Variants in SCD5 observed in about 807,000 individuals in gnomAD.
SCD5 encodes stearoyl-CoA desaturase 5, also known as acyl-CoA-desaturase 4.
Under a neutral mutation model 30.4 loss-of-function variants are expected in SCD5, and 20 were observed. The ratio of observed to expected loss-of-function variants is 0.66; its 90% CI spans 0.46 to 0.96. SCD5 has a LOEUF of 0.96. Among genes scored for constraint, SCD5 ranks in the 40% least tolerant of loss-of-function variants. The pLI is 0.00. For missense variants in SCD5, 381 were observed against 443.3 expected (o/e 0.86, Z 1.26); for synonymous variants, 173 against 176.4 (o/e 0.98, Z 0.16).
intron 3 of SCD5, chr4:82,660,029 C>G (rs1410449651): frequency 1.3e-5 from 2 of 148,960 alleles, no homozygotes; most frequent in African/African-American, 4.9e-5. Context: ...ATCCTAGTCT[C>G]TAATAAAACA....
chr4:82,672,601 G>A (rs80103530), intron 3 of SCD5, among the ~76,000 whole-genome samples: 2,147 of 151,952 alleles, frequency 0.014, 45 homozygotes, highest in African/African-American at 0.045. Context: ...TGGTGAATTC[G>A]ACCATATATT....
chr4:82,698,460 C>T (rs1164079553), intron 2 of SCD5, among the ~76,000 whole-genome samples: 1 of 152,200 alleles, frequency 6.6e-6, no homozygotes, highest in Non-Finnish European at 1.5e-5. Context: ...GGCACAAACT[C>T]TTTGGGGTCT....
chr4:82,783,559 CT>C (rs1268681349), intron 1 of SCD5, among the ~76,000 whole-genome samples: 1 of 152,072 alleles, frequency 6.6e-6, no homozygotes. Context: ...AATCCCAGCA[CT>C]TTGGGAGGCC....
chr4:82,785,507 G>A (rs1005842689), intron 1 of SCD5, among the ~76,000 whole-genome samples: 14 of 152,084 alleles, frequency 9.2e-5, no homozygotes, highest in Admixed American at 4.6e-4. Context: ...GTTGAAAATC[G>A]TATGTAAGCC....
At chr4:82,653,891 C>T (rs982375189) in intron 3 of SCD5, among the ~76,000 whole-genome samples, 1 of 151,442 alleles carries the variant, frequency 6.6e-6, no homozygotes, top group African/African-American at 2.4e-5. Flanking sequence ...GCAGAAGAGT[C>T]CTCACACTTC....
At chr4:82,791,115 G>T (rs1333540105) in intron 1 of SCD5, among the ~76,000 whole-genome samples, 1 of 152,152 alleles carries the variant, frequency 6.6e-6, no homozygotes, top group Admixed American at 6.5e-5. Context: ...GCATGCACCT[G>T]TAGTCCCAGC....
rs531706491 is a variant in SCD5, at chr4:82,650,829, A to C, written c.570-14006T>G. Among the ~76,000 whole-genome samples the C allele has an allele frequency of 3.6e-4, 22 of 60,770 alleles. No individual in the cohort carries two copies. In the East Asian group the frequency reaches 0.11, roughly 307 times the overall value. The allele number at this position is 60,770 out of a possible 152,430, so 39.9% of individuals were successfully genotyped here. On this transcript the variant is annotated intron_variant, in intron 3 of 4. Coordinates refer to ENST00000319540, the MANE Select transcript of SCD5 (RefSeq NM_001037582.3). Reference sequence around the variant, plus strand: ...TAAATATCAAATGTTAATATATGTTAATTATATATAAGATTACATATAAAA... The same window carrying C: ...TAAATATCAAATGTTAATATATGTTCATTATATATAAGATTACATATAAAA...
rs1722092309 is a variant in SCD5 at position 82,791,152 on chromosome 4, CG to C, written c.232+7153del. ...ACTCAGGAGGCTGAGGCAGGAGAAT[CG>C]CTTGAACCCGGGAGATGGAGGTTGC... is the stretch of plus-strand genomic sequence containing the variant. On this transcript the variant is annotated intron_variant, in intron 1 of 4. Coordinates refer to ENST00000319540, the MANE Select transcript of SCD5 (RefSeq NM_001037582.3). 3.9e-5 allele frequency among the ~76,000 whole-genome samples: 6 copies of C among 152,042 alleles called. No homozygotes were observed. The South Asian group carries it at 1.2e-3, about 32-fold the overall frequency.
At chr4:82,675,891 G>C (rs752045388) in intron 3 of SCD5, among the ~76,000 whole-genome samples, 7 of 152,232 alleles carry the variant, frequency 4.6e-5, no homozygotes, top group Non-Finnish European at 1.0e-4. Context: ...CTATGGCAGA[G>C]ACTGCTAATT....
At chr4:82,650,076 T>C (rs1031833460) in intron 3 of SCD5, among the ~76,000 whole-genome samples, 23 of 152,288 alleles carry the variant, frequency 1.5e-4, no homozygotes, top group African/African-American at 5.5e-4. Context: ...GCTAAAGCTG[T>C]AGGTCTCAGC....
intron 1 of SCD5, among the ~76,000 whole-genome samples, chr4:82,710,495 G>A (rs889882052): frequency 3.9e-5 from 6 of 152,116 alleles, no homozygotes; most frequent in African/African-American, 1.4e-4. Flanking sequence ...CAGCTGCAGA[G>A]TCTTTGATAT....
chr4:82,791,769 A>G (rs939393682), intron 1 of SCD5, among the ~76,000 whole-genome samples: 6 of 152,188 alleles, frequency 3.9e-5, no homozygotes, highest in Non-Finnish European at 7.3e-5. Context: ...GTTCAATGAA[A>G]AAAAAATGCT....
intron 1 of SCD5, among the ~76,000 whole-genome samples, chr4:82,715,311 C>A (rs952629797): frequency 2.0e-5 from 3 of 151,308 alleles, no homozygotes; most frequent in Non-Finnish European, 4.4e-5. Context: ...TGATAATGAG[C>A]GGAAATGGAA....
At chr4:82,788,290 A>G (rs114377736) in intron 1 of SCD5, among the ~76,000 whole-genome samples, 2,032 of 152,326 alleles carry the variant, frequency 0.013, 42 homozygotes, top group African/African-American at 0.046. Flanking sequence ...ACAGATGAAG[A>G]AAGTGTCCAA....
chr4:82,741,117 TTC>T (rs1171955309), intron 1 of SCD5, among the ~76,000 whole-genome samples: 12 of 120,732 alleles, frequency 9.9e-5, no homozygotes, highest in Admixed American at 5.0e-4. Context: ...TTTTTTTTTT[TTC>T]GTAGAGACAG....
chr4:82,786,613 A>G (rs1314864992), intron 1 of SCD5, among the ~76,000 whole-genome samples: 1 of 152,042 alleles, frequency 6.6e-6, no homozygotes. Flanking sequence ...CAGCCTGGCC[A>G]ACATGGTGAA....
intron 1 of SCD5, among the ~76,000 whole-genome samples, chr4:82,741,854 G>T (rs62311818): frequency 1.1e-4 from 12 of 109,660 alleles, no homozygotes; most frequent in Non-Finnish European, 1.8e-4. Context: ...CAGAGTGGGC[G>T]GGGGGGGGGA....
At chr4:82,725,859 CAAAAAAAGAA>C (rs11278222) in intron 1 of SCD5, among the ~76,000 whole-genome samples, 66,337 of 149,514 alleles carry the variant, frequency 0.44, 15,419 homozygotes, top group African/African-American at 0.6. Flanking sequence ...AACTCTGTTT[CAAAAAAAGAA>C]AAAAAAAGAA....
intron 1 of SCD5, among the ~76,000 whole-genome samples, chr4:82,796,045 T>C (rs909915320): frequency 6.0e-5 from 9 of 150,944 alleles, no homozygotes; most frequent in South Asian, 4.2e-4. Flanking sequence ...CTGAGGTGGG[T>C]GGATCACGAG....
Sources: gnomAD v4.1 joint callset for allele counts (sites outside exome capture counted in the v4.1 genomes callset) on GRCh38, gnomAD v4.1.1 for gene constraint, MANE v1.5 for transcripts, NCBI Gene and HGNC (gene_info 2026-07-23, HGNC 2026-07-21) for gene names.